TNNI1: variants seen among roughly 807,000 people sequenced by gnomAD.
The protein encoded by TNNI1 is troponin I, slow skeletal muscle.
TNNI1 carries 14 observed loss-of-function variants against 26.7 expected under a neutral mutation model. That is an observed-to-expected ratio of 0.52 (90% CI 0.35 to 0.82). TNNI1 has a LOEUF of 0.82. Among genes scored for constraint, TNNI1 ranks in the 40% least tolerant of loss-of-function variants. TNNI1 has a pLI of 0.01. For missense variants in TNNI1, 164 were observed against 257.0 expected (o/e 0.64, Z 2.47); for synonymous variants, 79 against 98.2 (o/e 0.80, Z 1.16).
intron 2 of TNNI1, among the ~76,000 whole-genome samples, chr1:201,417,533 CA>C (rs1662770082): frequency 6.6e-6 from 1 of 152,212 alleles, no homozygotes; most frequent in African/African-American, 2.4e-5. Context: ...TGTGATAGAT[CA>C]AGACAGGAAA....
In TNNI1 at chr1:201,417,840, A is replaced by AG. The variant is rs754671972; in HGVS notation, c.-19-29dup. On this transcript the variant is annotated intron_variant, in intron 1 of 8. Transcript: ENST00000361379. The stretch of plus-strand genomic sequence containing the variant: ...AGGGGGCACAGAGGAATCATTCATA[A>AG]GGGAAAGTGGAAACCCCTGCCCCTG... 3.0e-6 allele frequency: 4 copies of AG among 1,312,050 alleles called. No individual in the cohort carries two copies. In the South Asian group the frequency reaches 1.3e-4, roughly 42 times the overall value. The allele number at this position is 1,312,050 out of a possible 1,614,324, so 81.3% of individuals were successfully genotyped here.
intron 1 of TNNI1, 67 bp from the exon 2 acceptor site, chr1:201,417,879 T>G: frequency 8.4e-7 from 1 of 1,184,976 alleles, no homozygotes; most frequent in Non-Finnish European, 1.1e-6. Flanking sequence ...AGCTGGGCCT[T>G]GGGAGCCCAG....
In TNNI1 at chr1:201,414,553, G is replaced by A. The variant is rs756932579; in HGVS notation, c.154C>T (p.Leu52=). Residue 52 remains leucine, a synonymous_variant, in exon 5 of 9, where the codon CTG becomes TTG. Transcript: ENST00000361379. ...VRYLAERIPT[L]QTRGLSLSAL... is the part of the protein sequence containing the mutation. ...CTGAGGGACAGGCCACGGGTCTGCA[G>A]CGTGGGGATGCGCTCTGCCAGGTAG... 6.2e-7 allele frequency: 1 copy of A among 1,612,594 alleles called. No individual in the cohort carries two copies. Among genetic ancestry groups the A allele is most frequent in the South Asian group, 1.1e-5 (1 of 90,804 alleles).
At chr1:201,416,272 C>T (rs1427476348) in intron 3 of TNNI1, among the ~76,000 whole-genome samples, 1 of 152,202 alleles carries the variant, frequency 6.6e-6, no homozygotes, top group African/African-American at 2.4e-5. Flanking sequence ...TGACTCTAAG[C>T]ATTACTACCA....
chr1:201,417,643 A>T, intron 2 of TNNI1, 140 bp downstream of exon 2: 1 of 630,596 alleles, frequency 1.6e-6, no homozygotes, highest in Non-Finnish European at 2.4e-6. Flanking sequence ...GAAACCATCA[A>T]GTGCTGCCCC....
In TNNI1 at chr1:201,411,368, C is replaced by T. The variant is rs1224593181; in HGVS notation, c.445G>A (p.Asp149Asn). 6.2e-7 allele frequency: 1 copy of T among 1,613,656 alleles called. No homozygotes were observed. Among genetic ancestry groups the T allele is most frequent in the Admixed American group, 1.7e-5 (1 of 59,938 alleles). ...GAAAGGGACCTCACCTTCTCTGTGT[C>T]TTCCTTCTTCACAGACTTGAGGTTG... ...RANLKSVKKE[D>N]TEKERPVEVG... Residue 149 changes from aspartate (D) to asparagine (N), a missense_variant, in exon 7 of 9, where the codon GAC becomes AAC. Physicochemically the swap from Asp to Asn is conservative, Grantham distance 23. Coordinates refer to ENST00000361379, the MANE Select transcript of TNNI1 (RefSeq NM_003281.4). The surrounding 1 kb of genome is among the most constrained non-coding windows in gnomAD (Gnocchi z 4.6).
rs1330843466 is a variant in TNNI1, at chr1:201,411,186, CTTCT to C, written c.456+167_456+170del. ...AACAGCCTGAAGGAAGGGAGCAAAT[CTTCT>C]TTCTTTCTTCCCACACTGGTCTCCC... On this transcript the variant is annotated intron_variant, in intron 7 of 8. Transcript: ENST00000361379. The surrounding 1 kb of genome is among the most constrained non-coding windows in gnomAD (Gnocchi z 4.6). Among the ~76,000 whole-genome samples, 1 of 152,158 alleles carries C rather than the reference CTTCT, an allele frequency of 6.6e-6. No homozygotes were observed.
In TNNI1 at chr1:201,407,903, T is replaced by A. The variant is rs998305867; in HGVS notation, c.*1350A>T. 1.3e-5 allele frequency: 2 copies of A among 151,244 alleles called. No individual in the cohort carries two copies. Among genetic ancestry groups the A allele is most frequent in the Non-Finnish European group, 2.9e-5 (2 of 67,878 alleles). 9.4% of individuals were successfully genotyped at this position (151,244 alleles called of 1,614,324 possible). Reference sequence around the variant, plus strand: ...ACTAAAAATACAAAAATTAGCGGGGTGTGGTGGCACGCACCTGTAATCCCA... The same window carrying A: ...ACTAAAAATACAAAAATTAGCGGGGAGTGGTGGCACGCACCTGTAATCCCA... On this transcript the variant is annotated 3_prime_UTR_variant, in exon 9 of 9. Transcript: ENST00000361379.
intron 1 of TNNI1, among the ~76,000 whole-genome samples, chr1:201,418,241 C>T (rs540079434): frequency 3.3e-5 from 5 of 151,878 alleles, no homozygotes; most frequent in South Asian, 2.1e-4. Context: ...GAGGCCAAGG[C>T]GGGCAGTTCA....
chr1:201,415,963 G>C (rs1357346464), intron 3 of TNNI1, among the ~76,000 whole-genome samples: 1 of 152,108 alleles, frequency 6.6e-6, no homozygotes, highest in Non-Finnish European at 1.5e-5. Flanking sequence ...GATGCCTTTC[G>C]AGCACTAGAG....
chr1:201,415,163 C>T (rs1558282322), intron 4 of TNNI1, 50 bp downstream of exon 4: 2 of 1,511,380 alleles, frequency 1.3e-6, no homozygotes, highest in Non-Finnish European at 1.8e-6. Flanking sequence ...TGCTCTGCTG[C>T]CCCTCTGCCT....
chr1:201,418,728 G>A lies in TNNI1; in HGVS notation c.-19-916C>T, dbSNP rs151184222. Among the ~76,000 whole-genome samples, 207 of 152,314 alleles carry A rather than the reference G, an allele frequency of 1.4e-3. 2 individuals are homozygous for A. The highest frequency in any genetic ancestry group is 2.0e-3 in the Non-Finnish European group (139 of 68,022). The stretch of plus-strand genomic sequence containing the variant: ...GGCCTTGAGTGGGAGAGAATAAGCC[G>A]CAAGGCAGGGCAAATCCCGTGTTCA... On this transcript the variant is annotated intron_variant, in intron 1 of 8. Transcript: ENST00000361379.
intron 1 of TNNI1, among the ~76,000 whole-genome samples, chr1:201,421,107 A>G (rs1188256679): frequency 5.3e-5 from 8 of 152,180 alleles, no homozygotes; most frequent in African/African-American, 1.7e-4. Context: ...CTTGTGCTAC[A>G]CTACAGAGGG....
At chr1:201,418,481 A>T (rs980699294) in intron 1 of TNNI1, among the ~76,000 whole-genome samples, 97 of 152,222 alleles carry the variant, frequency 6.4e-4, no homozygotes, top group African/African-American at 2.6e-4. Flanking sequence ...AAAAAAAAAA[A>T]AAAAATAAGT....
chr1:201,416,850 C>T (rs972424806), intron 3 of TNNI1, among the ~76,000 whole-genome samples: 3 of 152,142 alleles, frequency 2.0e-5, no homozygotes, highest in African/African-American at 4.8e-5. Context: ...AGAGTCACAC[C>T]CAACCCTGCT....
At position 201,405,653 on chromosome 1, in the gene TNNI1, G is replaced by T; in HGVS notation, c.*3600C>A. On this transcript the variant is annotated 3_prime_UTR_variant, in exon 9 of 9. Transcript: ENST00000361379. ...TTAGCCCCAGCAGCCCTTAGCGCTG[G>T]GCCCTGCCCTGATCATGCCTGCTGC... 1 of 152,768 alleles carries T rather than the reference G, an allele frequency of 6.5e-6. No individual in the cohort carries two copies. The allele number at this position is 152,768 out of a possible 1,614,324, so 9.5% of individuals were successfully genotyped here. A position where few individuals can be genotyped will look rare whatever the true frequency, so the allele number is the denominator to read the frequency against.
intron 5 of TNNI1, 72 bp downstream of exon 5, chr1:201,414,446 C>G (rs1371819258): frequency 4.4e-6 from 6 of 1,366,588 alleles, no homozygotes; most frequent in Non-Finnish European, 5.8e-6. Context: ...CAGGCTCCTG[C>G]CGCCTGGTCC....
intron 1 of TNNI1, among the ~76,000 whole-genome samples, chr1:201,420,045 C>T (rs948386682): frequency 5.3e-5 from 8 of 152,238 alleles, no homozygotes; most frequent in Non-Finnish European, 1.5e-5. Context: ...GTCCAGAGGG[C>T]ACCAGGTCTG....
In TNNI1 at chr1:201,406,545, T is replaced by A. The variant is rs1024809918; in HGVS notation, c.*2708A>T. On this transcript the variant is annotated 3_prime_UTR_variant, in exon 9 of 9. Transcript: ENST00000361379. ...AAAGTTAAATAAATTAAGGTGTACA[T>A]GCTGGTGCCTGACGCATAAGTGTGC... 3 of 152,236 alleles carry A rather than the reference T, an allele frequency of 2.0e-5. No homozygotes were observed. Among genetic ancestry groups the A allele is most frequent in the African/African-American group, 7.2e-5 (3 of 41,452 alleles). The allele number at this position is 152,236 out of a possible 1,614,324, so 9.4% of individuals were successfully genotyped here.
Sources: gnomAD v4.1 joint callset for allele counts (sites outside exome capture counted in the v4.1 genomes callset) on GRCh38, gnomAD v4.1.1 for gene constraint, Gnocchi (gnomAD v3.1) non-coding constraint, MANE v1.5 for transcripts, NCBI Gene and HGNC (gene_info 2026-07-23, HGNC 2026-07-21) for gene names.